MRPL42: variants seen among roughly 807,000 people sequenced by gnomAD.
The protein encoded by MRPL42 is mitochondrial ribosomal protein L42, also known as large ribosomal subunit protein mL42.
Under a neutral mutation model 17.9 loss-of-function variants are expected in MRPL42, and 17 were observed. The observed-to-expected ratio is 0.95, with a 90% CI of 0.65 to 1.42. The LOEUF (loss-of-function observed/expected upper bound fraction) is 1.42. Ranked by LOEUF, MRPL42 falls within the 40% of genes most tolerant of loss-of-function variation. The pLI, the probability that MRPL42 is intolerant of heterozygous loss-of-function variation, is 0.00. For missense variants in MRPL42, 177 were observed against 175.2 expected (o/e 1.01, Z -0.06); for synonymous variants, 59 against 54.4 (o/e 1.08, Z -0.37).
At chr12:93,481,348 C>G (rs894671322) in intron 4 of MRPL42, among the ~76,000 whole-genome samples, 1 of 152,198 alleles carries the variant, frequency 6.6e-6, no homozygotes, top group Admixed American at 6.5e-5. Flanking sequence ...CTCTCGCATA[C>G]TCTTTTACCA....
At chr12:93,485,017 T>C (rs377530272) in intron 4 of MRPL42, among the ~76,000 whole-genome samples, 363 of 63,136 alleles carry the variant, frequency 5.7e-3, no homozygotes, top group African/African-American at 0.014. Flanking sequence ...TATATATATA[T>C]ATATATATAT....
intron 3 of MRPL42, among the ~76,000 whole-genome samples, chr12:93,477,875 C>G (rs988382792): frequency 1.3e-5 from 2 of 152,176 alleles, no homozygotes; most frequent in African/African-American, 2.4e-5. Context: ...GTTAGCCAGG[C>G]TGGTCTCAAA....
intron 2 of MRPL42, among the ~76,000 whole-genome samples, chr12:93,469,937 T>G (rs1423973502): frequency 6.6e-6 from 1 of 151,896 alleles, no homozygotes; most frequent in Non-Finnish European, 1.5e-5. Context: ...AGGGTAACTT[T>G]CTCTTGTTCG....
rs1020969482 is a variant in MRPL42, at chr12:93,510,811, G to T, written c.*9590G>T. 4 of 151,834 alleles carry T rather than the reference G, an allele frequency of 2.6e-5. No individual in the cohort carries two copies. Among genetic ancestry groups the T allele is most frequent in the African/African-American group, 4.8e-5 (2 of 41,314 alleles). The allele number at this position is 151,834 out of a possible 1,614,324, so 9.4% of individuals were successfully genotyped here. On this transcript the variant is annotated 3_prime_UTR_variant, in exon 6 of 6. Coordinates refer to ENST00000549982, the MANE Select transcript of MRPL42 (RefSeq NM_014050.4). ...GTTATAATATTTCTTTAAATATTTTGGATAAATCTTTTGTCAGATATATGC... is the reference window on the plus strand; with the variant it reads ...GTTATAATATTTCTTTAAATATTTTTGATAAATCTTTTGTCAGATATATGC...
intron 4 of MRPL42, among the ~76,000 whole-genome samples, chr12:93,480,182 C>T (rs955456821): frequency 2.2e-4 from 34 of 152,150 alleles, no homozygotes; most frequent in African/African-American, 7.5e-4. Context: ...AGTGCAGTGG[C>T]GTGATCCGGC....
At chr12:93,497,383 T>C (rs891775399) in intron 5 of MRPL42, among the ~76,000 whole-genome samples, 2 of 152,164 alleles carry the variant, frequency 1.3e-5, no homozygotes, top group Non-Finnish European at 2.9e-5. Flanking sequence ...TAATTCACCA[T>C]GATCAAGCAG....
intron 4 of MRPL42, among the ~76,000 whole-genome samples, chr12:93,481,205 C>A (rs755589717): frequency 2.6e-5 from 4 of 152,216 alleles, no homozygotes; most frequent in Admixed American, 6.5e-5. Flanking sequence ...GTAGAACTTA[C>A]TACCCTTGGC....
intron 2 of MRPL42, chr12:93,470,499 T>C (rs1879858481): frequency 7.7e-6 from 10 of 1,290,558 alleles, no homozygotes; most frequent in South Asian, 2.5e-5. Context: ...CGGGCGTACA[T>C]GTGCAGGTTT....
chr12:93,481,129 C>T (rs575811108), intron 4 of MRPL42, among the ~76,000 whole-genome samples: 1 of 152,150 alleles, frequency 6.6e-6, no homozygotes, highest in Admixed American at 6.6e-5. Context: ...GACTCTTATC[C>T]CCAAATGGCT....
At chr12:93,482,693 C>T (rs1304506587) in intron 4 of MRPL42, among the ~76,000 whole-genome samples, 1 of 152,088 alleles carries the variant, frequency 6.6e-6, no homozygotes, top group African/African-American at 2.4e-5. Context: ...TCAAGCAATC[C>T]TCCCACTTTA....
chr12:93,516,017 T>C lies in MRPL42; in HGVS notation c.*14796T>C, dbSNP rs1344747837. The C allele has an allele frequency of 6.6e-6, 1 of 152,212 alleles. No homozygotes were observed. Among genetic ancestry groups the C allele is most frequent in the African/African-American group, 2.4e-5 (1 of 41,456 alleles). The allele number at this position is 152,212 out of a possible 1,614,324, so 9.4% of individuals were successfully genotyped here. On this transcript the variant is annotated 3_prime_UTR_variant, in exon 6 of 6. Coordinates refer to ENST00000549982, the MANE Select transcript of MRPL42 (RefSeq NM_014050.4). ...TAGTCTGCCTTCCCTATAGAGAAGA[T>C]GTATTGAGATAATCATGAAATTCTC...
At position 93,470,459 on chromosome 12, in the gene MRPL42, A is replaced by G; in HGVS notation, c.70+1104A>G. On this transcript the variant is annotated intron_variant, in intron 2 of 5. Transcript: ENST00000549982. ...TTTTTATATTAAACTATGTGAGCCA[A>G]CTTTTTATTTTTATTTTTTATTTTA... The G allele has an allele frequency of 4.7e-6, 6 of 1,277,220 alleles. No homozygotes were observed. The South Asian group carries it at 7.9e-5, about 17-fold the overall frequency. 79.1% of individuals were successfully genotyped at this position (1,277,220 alleles called of 1,614,324 possible). A position where few individuals can be genotyped will look rare whatever the true frequency, so the allele number is the denominator to read the frequency against.
chr12:93,489,721 A>G (rs1248497821), intron 5 of MRPL42, among the ~76,000 whole-genome samples: 2 of 152,138 alleles, frequency 1.3e-5, no homozygotes, highest in East Asian at 3.9e-4. Context: ...TTTTTAGTAG[A>G]GACAAGGTTT....
At chr12:93,494,932 C>CAA (rs1555202232) in intron 5 of MRPL42, among the ~76,000 whole-genome samples, 5 of 151,824 alleles carry the variant, frequency 3.3e-5, no homozygotes, top group Admixed American at 2.6e-4. Flanking sequence ...ATCAGGAACT[C>CAA]TAGAGATATA....
rs1194799640 is a variant in MRPL42, at chr12:93,506,677, T to C, written c.*5456T>C. 6.6e-6 allele frequency: 1 copy of C among 152,258 alleles called. No individual in the cohort carries two copies. The highest frequency in any genetic ancestry group is 1.5e-5 in the Non-Finnish European group (1 of 68,056). 9.4% of individuals were successfully genotyped at this position (152,258 alleles called of 1,614,324 possible). On this transcript the variant is annotated 3_prime_UTR_variant, in exon 6 of 6. Transcript: ENST00000549982. The stretch of plus-strand genomic sequence containing the variant: ...TGGGTTCAAAGATAGCCCTCATTCC[T>C]GATTGACAAAGTATCTTGCTATGAC...
intron 2 of MRPL42, among the ~76,000 whole-genome samples, chr12:93,471,815 C>A (rs956875299): frequency 1.3e-5 from 2 of 152,308 alleles, no homozygotes; most frequent in Non-Finnish European, 2.9e-5. Flanking sequence ...TTTTGATTAT[C>A]TAGGAGCATT....
chr12:93,487,917 C>T (rs1953337051), intron 5 of MRPL42: 1 of 332,000 alleles, frequency 3.0e-6, no homozygotes, highest in Non-Finnish European at 5.4e-6. Flanking sequence ...GCACTTTAGC[C>T]TTCCGAGTAG....
intron 2 of MRPL42, among the ~76,000 whole-genome samples, chr12:93,470,006 C>T (rs1451474133): frequency 2.7e-5 from 4 of 149,858 alleles, no homozygotes; most frequent in Non-Finnish European, 3.0e-5. Flanking sequence ...CGGAGTCTGG[C>T]TCTGTCGCCC....
intron 2 of MRPL42, among the ~76,000 whole-genome samples, chr12:93,475,017 TG>T (rs1880093970): frequency 6.6e-6 from 1 of 152,082 alleles, no homozygotes; most frequent in African/African-American, 2.4e-5. Context: ...TGCTTGAACA[TG>T]GGAGGCGGAG....
Sources: allele counts gnomAD v4.1 joint callset (sites outside exome capture counted in the v4.1 genomes callset), GRCh38; gene constraint gnomAD v4.1.1; transcripts MANE v1.5; gene names NCBI Gene and HGNC (gene_info 2026-07-23, HGNC 2026-07-21).